CEP63: variants seen among roughly 807,000 people sequenced by gnomAD.
CEP63 encodes centrosomal protein of 63 kDa.
Under a neutral mutation model 89.1 loss-of-function variants are expected in CEP63, and 84 were observed. The observed-to-expected ratio is 0.94, with a 90% CI of 0.79 to 1.13. The LOEUF is 1.13. Ranked by LOEUF, CEP63 falls within the 50% of genes most tolerant of loss-of-function variation. The probability of loss-of-function intolerance (pLI) is 0.00; values close to 1 mark genes in which losing one functional copy is unlikely to be tolerated. For synonymous variants in CEP63, 267 were observed against 272.5 expected (o/e 0.98, Z 0.20); for missense variants, 838 against 813.3 (o/e 1.03, Z -0.37).
chr3:134,756,981 G>C, the CEP63 span, among the ~76,000 whole-genome samples: 1 of 152,104 alleles, frequency 6.6e-6, no homozygotes, highest in African/African-American at 2.4e-5. Flanking sequence ...CACATGTCTG[G>C]GTCTCTGAGC....
the CEP63 span, chr3:134,643,224 C>A: frequency 8.0e-7 from 1 of 1,256,670 alleles, no homozygotes; most frequent in South Asian, 1.3e-5. Context: ...TCCCCATAGT[C>A]TGAGCTCCAC....
chr3:134,498,899 G>A (rs554152426), intron 2 of CEP63, among the ~76,000 whole-genome samples: 22 of 152,248 alleles, frequency 1.4e-4, no homozygotes, highest in African/African-American at 4.6e-4. Flanking sequence ...ACTTGATCAT[G>A]CTGTATTATC....
At chr3:134,776,220 C>T in the CEP63 span, among the ~76,000 whole-genome samples, 1 of 152,228 alleles carries the variant, frequency 6.6e-6, no homozygotes, top group Admixed American at 6.5e-5. Context: ...CCAGCAGTTC[C>T]AGTCAGCAGC....
Position 134,533,292 on chromosome 3 carries a change from A to G in CEP63, c.441+392A>G, listed in dbSNP as rs114942085. Among the ~76,000 whole-genome samples the G allele has an allele frequency of 2.8e-3, 423 of 152,302 alleles. 3 individuals are homozygous for G. Among genetic ancestry groups the G allele is most frequent in the African/African-American group, 9.6e-3 (398 of 41,568 alleles). ...TACCTCAAATGCCAGTAACTCTCCA[A>G]TTGGGAAACATGACCACTAGTTATA... On this transcript the variant is annotated intron_variant, in intron 5 of 14. Coordinates refer to ENST00000675561, the MANE Select transcript of CEP63 (RefSeq NM_001353108.3).
intron 3 of CEP63, among the ~76,000 whole-genome samples, chr3:134,511,947 A>C (rs1332500977): frequency 6.6e-6 from 1 of 152,204 alleles, no homozygotes; most frequent in African/African-American, 2.4e-5. Flanking sequence ...ACTTAGTCCT[A>C]GGGTGTAAAC....
rs375523331 is a variant in CEP63, at chr3:134,546,182, G to A, written c.823G>A (p.Ala275Thr). The change falls in exon 8 of 15, where the codon GCT becomes ACT. Residue 275 changes from alanine to threonine, a missense_variant. Physicochemically the swap from Ala to Thr is moderately conservative, Grantham distance 58. Transcript: ENST00000675561. ...LQEEKRELKAALQSQENLIHE... is the reference protein window; with the variant it reads ...LQEEKRELKATLQSQENLIHE... ...GGAAGAAAAGAGAGAATTGAAGGCA[G>A]CTCTTCAGTCTCAAGAAAATCTCAT... The A allele has an allele frequency of 6.2e-7, 1 of 1,613,834 alleles. No homozygotes were observed. The highest frequency in any genetic ancestry group is 8.5e-7 in the Non-Finnish European group (1 of 1,179,914).
chr3:134,744,956 C>A, the CEP63 span, among the ~76,000 whole-genome samples: 5 of 152,180 alleles, frequency 3.3e-5, no homozygotes, highest in Admixed American at 3.3e-4. Flanking sequence ...CAATAAAATG[C>A]ATACTTTTAA....
chr3:134,521,713 A>C (rs1040872515), intron 3 of CEP63, among the ~76,000 whole-genome samples: 1 of 152,232 alleles, frequency 6.6e-6, no homozygotes, highest in Non-Finnish European at 1.5e-5. Context: ...TTAACAGCTA[A>C]TATTCTCACT....
Position 134,559,275 on chromosome 3 carries a change from G to C in CEP63, c.1799G>C (p.Ser600Thr), listed in dbSNP as rs199974219. The C allele has an allele frequency of 4.5e-4, 732 of 1,614,032 alleles. No individual in the cohort carries two copies. The highest frequency in any genetic ancestry group is 5.7e-4 in the Non-Finnish European group (674 of 1,180,034). Residue 600 changes from serine to threonine, a missense_variant, in exon 14 of 15, where the codon AGT becomes ACT. By Grantham distance (58) the Ser-to-Thr change is moderately conservative. Coordinates refer to ENST00000675561, the MANE Select transcript of CEP63 (RefSeq NM_001353108.3). ...NPMSRVLSPL[S>T]PQISPCSSTR... is the part of the protein sequence containing the mutation. ...ATGTCTAGGGTGCTAAGCCCCCTGA[G>C]TCCTCAAATCAGCCCTTGCAGCTCC...
chr3:134,766,057 A>G, the CEP63 span, among the ~76,000 whole-genome samples: 1 of 152,238 alleles, frequency 6.6e-6, no homozygotes, highest in Non-Finnish European at 1.5e-5. Context: ...TATCAACACA[A>G]CAGAATAAAC....
chr3:134,753,378 C>A, the CEP63 span, among the ~76,000 whole-genome samples: 23 of 152,192 alleles, frequency 1.5e-4, 1 homozygote, highest in Non-Finnish European at 2.5e-4. Context: ...CCTGGGCCTT[C>A]CCAGCAAGCA....
At chr3:134,621,206 G>A in the CEP63 span, among the ~76,000 whole-genome samples, 1 of 152,196 alleles carries the variant, frequency 6.6e-6, no homozygotes, top group African/African-American at 2.4e-5. Flanking sequence ...TTTTTGTGCT[G>A]AAATGGAAAA....
At chr3:134,588,376 T>C (rs572446712), downstream of CEP63, among the ~76,000 whole-genome samples, 10 of 152,286 alleles carry the variant, frequency 6.6e-5, no homozygotes, top group African/African-American at 2.4e-4. Context: ...ATGAATAAAA[T>C]AATATAATCC....
the CEP63 span, among the ~76,000 whole-genome samples, chr3:134,645,037 A>G: frequency 6.6e-6 from 1 of 152,362 alleles, no homozygotes; most frequent in South Asian, 2.1e-4. Context: ...CCGGGAAGGG[A>G]ATCCTCAAGG....
intron 10 of CEP63, among the ~76,000 whole-genome samples, chr3:134,586,704 G>A (rs1209616174): frequency 6.6e-6 from 1 of 152,078 alleles, no homozygotes; most frequent in African/African-American, 2.4e-5. Context: ...TCTCTGTGGT[G>A]TTCTCTGTAT....
chr3:134,579,332 GGTTTAT>G (rs925216974), downstream of CEP63, among the ~76,000 whole-genome samples: 3 of 152,094 alleles, frequency 2.0e-5, no homozygotes, highest in African/African-American at 7.2e-5. Context: ...GGAATTGCTG[GGTTTAT>G]GTTTAACTTT....
chr3:134,651,667 T>C, the CEP63 span: 1 of 933,412 alleles, frequency 1.1e-6, no homozygotes, highest in Non-Finnish European at 1.3e-6. Context: ...CCATTGAGTA[T>C]CAAGCTAACG....
At chr3:134,611,471 G>T in the CEP63 span, among the ~76,000 whole-genome samples, 10 of 152,362 alleles carry the variant, frequency 6.6e-5, 1 homozygote, top group African/African-American at 2.4e-4. Flanking sequence ...TTCACTGCTA[G>T]TCTGACCTAG....
intron 12 of CEP63, among the ~76,000 whole-genome samples, chr3:134,555,921 A>C (rs373517470): frequency 1.5e-4 from 22 of 151,462 alleles, no homozygotes; most frequent in East Asian, 7.8e-4. Flanking sequence ...GGTACCAAAA[A>C]AGAGATATAG....
Sources: allele counts gnomAD v4.1 joint callset (sites outside exome capture counted in the v4.1 genomes callset), GRCh38; gene constraint gnomAD v4.1.1; transcripts MANE v1.5; gene names NCBI Gene and HGNC (gene_info 2026-07-23, HGNC 2026-07-21).